NFIB: variants seen among roughly 807,000 people sequenced by gnomAD.
NFIB encodes nuclear factor I B, also known as nuclear factor 1 B-type.
In NFIB, 11 loss-of-function variants were observed where a neutral mutation model predicts 61.5. That is an observed-to-expected ratio of 0.18 (90% confidence interval 0.11 to 0.30). NFIB has a LOEUF of 0.30. NFIB is among the 10% of genes least tolerant of loss of function. The pLI is 1.00. For missense variants in NFIB, 471 were observed against 608.9 expected (o/e 0.77, Z 2.38); for synonymous variants, 260 against 216.5 (o/e 1.20, Z -1.76).
the NFIB span, among the ~76,000 whole-genome samples, chr9:14,459,437 C>T: frequency 2.0e-5 from 3 of 152,146 alleles, no homozygotes; most frequent in African/African-American, 7.2e-5. Context: ...TAGGCAATAC[C>T]ATTCAGGACA....
At chr9:14,193,570 AG>A (rs2048177818) in intron 2 of NFIB, among the ~76,000 whole-genome samples, 1 of 152,188 alleles carries the variant, frequency 6.6e-6, no homozygotes, top group African/African-American at 2.4e-5. Context: ...ACTGGACATG[AG>A]GCATTTTACA....
At position 14,120,349 on chromosome 9, in the gene NFIB, C is replaced by T. The variant is rs1335024766; in HGVS notation, c.1245+91G>A. ...TGGATTTCAAGGCTTGACGTTCTGCCAGACACACTGTCTGACTAACCTTTG... is the reference window on the plus strand; with the variant it reads ...TGGATTTCAAGGCTTGACGTTCTGCTAGACACACTGTCTGACTAACCTTTG... On this transcript the variant is annotated intron_variant, in intron 8 of 10. Transcript: ENST00000380953. The surrounding 1 kb of genome is among the most constrained non-coding windows in gnomAD (Gnocchi z 4.4). 7.3e-7 allele frequency: 1 copy of T among 1,368,676 alleles called. No homozygotes were observed. Among genetic ancestry groups the T allele is most frequent in the African/African-American group, 1.4e-5 (1 of 69,734 alleles). 84.8% of individuals were successfully genotyped at this position (1,368,676 alleles called of 1,614,324 possible).
At chr9:14,410,673 G>A in the NFIB span, among the ~76,000 whole-genome samples, 1 of 152,168 alleles carries the variant, frequency 6.6e-6, no homozygotes, top group African/African-American at 2.4e-5. Context: ...TGAGTCTTCT[G>A]ATAGATGCTT....
intron 2 of NFIB, among the ~76,000 whole-genome samples, chr9:14,213,647 T>C (rs2050544482): frequency 6.6e-6 from 1 of 152,182 alleles, no homozygotes; most frequent in Non-Finnish European, 1.5e-5. Flanking sequence ...GTAGCTTCTC[T>C]CCAGAAGCCT....
chr9:14,259,342 T>G (rs1009442574), intron 2 of NFIB, among the ~76,000 whole-genome samples: 1 of 152,220 alleles, frequency 6.6e-6, no homozygotes, highest in Non-Finnish European at 1.5e-5. Flanking sequence ...TACCTGTAAA[T>G]TTAGAAACTC....
At chr9:14,245,828 G>GC (rs1270972354) in intron 2 of NFIB, among the ~76,000 whole-genome samples, 1 of 151,986 alleles carries the variant, frequency 6.6e-6, no homozygotes, top group Non-Finnish European at 1.5e-5. Flanking sequence ...AGCCGAGATC[G>GC]CACCACTGCA....
At chr9:14,372,988 G>T (rs187062995) in intron 1 of NFIB, among the ~76,000 whole-genome samples, 1 of 152,052 alleles carries the variant, frequency 6.6e-6, no homozygotes, top group Non-Finnish European at 1.5e-5. Context: ...GAACGGTGGT[G>T]GGGGGTGGGG....
intron 2 of NFIB, among the ~76,000 whole-genome samples, chr9:14,243,361 T>C (rs1477735456): frequency 6.6e-6 from 1 of 152,162 alleles, no homozygotes; most frequent in East Asian, 1.9e-4. Context: ...CATTTGAAGG[T>C]GGAGAAGCTG....
intron 2 of NFIB, among the ~76,000 whole-genome samples, chr9:14,255,768 T>C (rs1432183332): frequency 1.3e-5 from 2 of 152,248 alleles, no homozygotes; most frequent in Non-Finnish European, 2.9e-5. Context: ...TGAGTCTTGG[T>C]GTGTTTTGTG....
chr9:14,322,076 TAAAAAAAAAAAAAAAA>T (rs3081606), intron 1 of NFIB: 24 of 1,111,614 alleles, frequency 2.2e-5, no homozygotes, highest in Non-Finnish European at 2.6e-5. Flanking sequence ...TGTGTTTAGT[TAAAAAAAAAAAAAAAA>T]AAAAAAAAAA....
chr9:14,211,024 A>C (rs1738850519), intron 2 of NFIB, among the ~76,000 whole-genome samples: 1 of 152,170 alleles, frequency 6.6e-6, no homozygotes, highest in Admixed American at 6.5e-5. Context: ...CTCTGTTTGG[A>C]CTGAAAGCCA....
intron 2 of NFIB, among the ~76,000 whole-genome samples, chr9:14,230,008 C>T (rs1238741958): frequency 2.0e-5 from 3 of 152,256 alleles, no homozygotes; most frequent in Middle Eastern, 3.4e-3. Context: ...TCTCCAATGT[C>T]GTTCATGGCT....
chr9:14,427,562 C>T, the NFIB span, among the ~76,000 whole-genome samples: 13,011 of 152,216 alleles, frequency 0.085, 619 homozygotes, highest in East Asian at 0.17. Context: ...TGCTACACTA[C>T]ACAACTTGAT....
chr9:14,282,321 G>A (rs1202482643), intron 2 of NFIB, among the ~76,000 whole-genome samples: 1 of 152,042 alleles, frequency 6.6e-6, no homozygotes, highest in Non-Finnish European at 1.5e-5. Context: ...AATATCAAGA[G>A]GGCAATAAAT....
chr9:14,444,329 T>A, the NFIB span, among the ~76,000 whole-genome samples: 3 of 152,250 alleles, frequency 2.0e-5, no homozygotes, highest in East Asian at 3.9e-4. Context: ...AAATTCAACA[T>A]AGATCATCAA....
intron 6 of NFIB, among the ~76,000 whole-genome samples, chr9:14,134,897 CAAAAAAAA>C (rs57014530): frequency 1.7e-4 from 11 of 64,332 alleles, no homozygotes; most frequent in South Asian, 7.6e-4. Context: ...GACTCTGTCT[CAAAAAAAA>C]AAAAAAAAAA....
intron 1 of NFIB, among the ~76,000 whole-genome samples, chr9:14,324,659 A>G (rs1316184600): frequency 1.3e-5 from 2 of 152,138 alleles, no homozygotes; most frequent in Non-Finnish European, 2.9e-5. Flanking sequence ...AGGAATCCAG[A>G]GTTTGTATCA....
the NFIB span, among the ~76,000 whole-genome samples, chr9:14,441,165 CA>C: frequency 1.2e-3 from 149 of 123,926 alleles, no homozygotes; most frequent in South Asian, 2.6e-3. Flanking sequence ...AGAGAGAAAA[CA>C]AAAAAAAAAA....
chr9:14,347,562 G>C (rs79636510), intron 1 of NFIB, among the ~76,000 whole-genome samples: 2,500 of 152,272 alleles, frequency 0.016, 69 homozygotes, highest in African/African-American at 0.057. Context: ...GGGTGTGGAG[G>C]GAGTGAGCTG....
Sources: gnomAD v4.1 joint callset for allele counts (sites outside exome capture counted in the v4.1 genomes callset) on GRCh38, gnomAD v4.1.1 for gene constraint, Gnocchi (gnomAD v3.1) non-coding constraint, MANE v1.5 for transcripts, NCBI Gene and HGNC (gene_info 2026-07-23, HGNC 2026-07-21) for gene names.